The following STK24 variants were observed in gnomAD, a reference collection of about 807,000 sequenced individuals.
The protein encoded by STK24 is serine/threonine-protein kinase 24.
A neutral mutation model predicts 55.6 loss-of-function variants in STK24; 21 were observed. The ratio of observed to expected loss-of-function variants is 0.38; its 90% confidence interval spans 0.27 to 0.54. The LOEUF (loss-of-function observed/expected upper bound fraction) is 0.54. STK24 is among the 20% of genes least tolerant of loss of function. The pLI, the probability that STK24 is intolerant of heterozygous loss-of-function variation, is 0.79. For missense variants in STK24, 383 were observed against 538.4 expected (o/e 0.71, Z 2.86); for synonymous variants, 200 against 215.2 (o/e 0.93, Z 0.62).
Position 98,446,018 on chromosome 13 carries a change from C to T in STK24, c.*7155G>A. 1 of 955,642 alleles carries T rather than the reference C, an allele frequency of 1.0e-6. No individual in the cohort carries two copies. Among genetic ancestry groups the T allele is most frequent in the Non-Finnish European group, 1.7e-6 (1 of 600,292 alleles). 59.2% of individuals were successfully genotyped at this position (955,642 alleles called of 1,614,324 possible). A position where few individuals can be genotyped will look rare whatever the true frequency, so the allele number is the denominator to read the frequency against. ...CACGGACATGCCCCAGCCCAGGGCC[C>T]TGGTGCAGGGAGAGCTGCTCTCTGT... On this transcript the variant is annotated 3_prime_UTR_variant, in exon 11 of 11. Coordinates refer to ENST00000539966, the MANE Select transcript of STK24 (RefSeq NM_001032296.4).
intron 2 of STK24, among the ~76,000 whole-genome samples, chr13:98,492,410 A>G (rs1389424562): frequency 3.3e-5 from 5 of 152,166 alleles, no homozygotes; most frequent in African/African-American, 1.2e-4. Flanking sequence ...CTAGGGGAGG[A>G]AAAAAGGGTG....
At chr13:98,561,560 C>T (rs542239682) in intron 1 of STK24, among the ~76,000 whole-genome samples, 185 of 145,820 alleles carry the variant, frequency 1.3e-3, no homozygotes, top group African/African-American at 4.5e-3. Flanking sequence ...CCAGCTAGGG[C>T]AACAGAGTGA....
At chr13:98,556,258 T>C (rs1411200480) in intron 1 of STK24, among the ~76,000 whole-genome samples, 1 of 152,210 alleles carries the variant, frequency 6.6e-6, no homozygotes, top group Non-Finnish European at 1.5e-5. Flanking sequence ...GCTAGGACGC[T>C]CAGCATTGCC....
At chr13:98,462,838 G>A (rs1242632017) in intron 7 of STK24, among the ~76,000 whole-genome samples, 2 of 152,104 alleles carry the variant, frequency 1.3e-5, no homozygotes, top group Non-Finnish European at 2.9e-5. Flanking sequence ...GCCCCAGCCT[G>A]GAACATTGGC....
intron 1 of STK24, among the ~76,000 whole-genome samples, chr13:98,524,230 C>T (rs1238859107): frequency 1.3e-5 from 2 of 152,118 alleles, no homozygotes; most frequent in African/African-American, 4.8e-5. Flanking sequence ...CTTGTGTCTA[C>T]ACCCCCACCC....
intron 2 of STK24, among the ~76,000 whole-genome samples, chr13:98,490,882 T>C (rs538986594): frequency 1.3e-5 from 2 of 148,910 alleles, no homozygotes; most frequent in South Asian, 4.3e-4. Context: ...ATCATGTCAC[T>C]ACTGATTGCC....
intron 5 of STK24, 30 bp from the exon 6 acceptor site, chr13:98,466,591 C>A: frequency 6.2e-7 from 1 of 1,608,296 alleles, no homozygotes; most frequent in Non-Finnish European, 8.5e-7. Context: ...TTTACAAACA[C>A]CAAGCAGGAA....
chr13:98,571,980 C>G (rs530229030), intron 1 of STK24, among the ~76,000 whole-genome samples: 1 of 152,318 alleles, frequency 6.6e-6, no homozygotes, highest in East Asian at 1.9e-4. Context: ...AAAAATGTGC[C>G]ATACTTCCGG....
At chr13:98,500,248 T>C (rs1438293237) in intron 2 of STK24, among the ~76,000 whole-genome samples, 2 of 152,208 alleles carry the variant, frequency 1.3e-5, no homozygotes, top group Non-Finnish European at 2.9e-5. Flanking sequence ...CCACAGCAAA[T>C]GAGCAGGAGG....
chr13:98,446,761 G>A lies in STK24; in HGVS notation c.*6412C>T, dbSNP rs1305197804. 4 of 1,614,126 alleles carry A rather than the reference G, an allele frequency of 2.5e-6. No individual in the cohort carries two copies. The highest frequency in any genetic ancestry group is 3.4e-6 in the Non-Finnish European group (4 of 1,180,012). On this transcript the variant is annotated 3_prime_UTR_variant, in exon 11 of 11. Transcript: ENST00000539966. Reference sequence around the variant, plus strand: ...TCCAGAAAGACTACGTGTTCAAGCTGCACTTCAAGTCCCACGTCTACTACT... The same window carrying A: ...TCCAGAAAGACTACGTGTTCAAGCTACACTTCAAGTCCCACGTCTACTACT...
intron 1 of STK24, among the ~76,000 whole-genome samples, chr13:98,544,614 C>T (rs1205439684): frequency 6.6e-6 from 1 of 152,234 alleles, no homozygotes; most frequent in African/African-American, 2.4e-5. Context: ...GACCTGAGGC[C>T]AGGGTACATG....
chr13:98,552,160 T>C (rs1245563745), intron 1 of STK24, among the ~76,000 whole-genome samples: 1 of 152,228 alleles, frequency 6.6e-6, no homozygotes, highest in Non-Finnish European at 1.5e-5. Context: ...TAGTCATGTA[T>C]TGATTCTATA....
intron 1 of STK24, among the ~76,000 whole-genome samples, chr13:98,546,305 T>C (rs1897027906): frequency 1.3e-5 from 2 of 148,346 alleles, no homozygotes; most frequent in African/African-American, 4.8e-5. Context: ...TTCAGGCAGA[T>C]CTCAAATGGC....
At chr13:98,489,550 A>G (rs1400404248) in intron 2 of STK24, among the ~76,000 whole-genome samples, 1 of 152,206 alleles carries the variant, frequency 6.6e-6, no homozygotes, top group Non-Finnish European at 1.5e-5. Context: ...ATGACAGAAA[A>G]GTGGGCAAAT....
At chr13:98,575,436 C>T (rs1467006010) in intron 1 of STK24, among the ~76,000 whole-genome samples, 1 of 149,748 alleles carries the variant, frequency 6.7e-6, no homozygotes, top group Non-Finnish European at 1.5e-5. Context: ...CACATATACA[C>T]ACACACACAC....
intron 5 of STK24, among the ~76,000 whole-genome samples, chr13:98,466,800 C>T (rs1226870032): frequency 4.6e-5 from 7 of 152,222 alleles, no homozygotes; most frequent in African/African-American, 2.4e-5. Context: ...ACTCCTACTA[C>T]GCCTCCTGCT....
rs9584851 is a variant in STK24, at chr13:98,460,175, G to A, written c.1122+197C>T. On this transcript the variant is annotated intron_variant, in intron 9 of 10. Coordinates refer to ENST00000539966, the MANE Select transcript of STK24 (RefSeq NM_001032296.4). ...CAGTCTACACATTCCAGGCTGCGGC[G>A]GAGTGGGCATCACCCAGGACAGGGG... 9.6e-3 allele frequency among the ~76,000 whole-genome samples: 1,448 copies of A among 150,176 alleles called. 35 individuals carry two copies. Among genetic ancestry groups the A allele is most frequent in the African/African-American group, 0.034 (1,409 of 41,052 alleles).
At chr13:98,534,037 G>A (rs966047712) in intron 1 of STK24, among the ~76,000 whole-genome samples, 19 of 152,352 alleles carry the variant, frequency 1.2e-4, no homozygotes, top group African/African-American at 4.1e-4. Context: ...CCTGGTGCTA[G>A]CGGGCACCCC....
At chr13:98,501,363 G>A (rs978263273) in intron 2 of STK24, among the ~76,000 whole-genome samples, 1 of 152,214 alleles carries the variant, frequency 6.6e-6, no homozygotes, top group African/African-American at 2.4e-5. Flanking sequence ...GCTAGCCAGG[G>A]GTGGGGCGGG....
Sources: gnomAD v4.1 joint callset for allele counts (sites outside exome capture counted in the v4.1 genomes callset) on GRCh38, gnomAD v4.1.1 for gene constraint, MANE v1.5 for transcripts, NCBI Gene and HGNC (gene_info 2026-07-23, HGNC 2026-07-21) for gene names.